Variants in MARCHF8 observed in about 807,000 individuals in gnomAD.
MARCHF8 encodes E3 ubiquitin-protein ligase MARCHF8.
A neutral mutation model predicts 51.6 loss-of-function variants in MARCHF8; 40 were observed. The observed-to-expected ratio is 0.77, with a 90% confidence interval of 0.60 to 1.01. The LOEUF (loss-of-function observed/expected upper bound fraction) is 1.01. Among genes scored for constraint, MARCHF8 ranks in the 50% least tolerant of loss-of-function variants. The pLI, the probability that MARCHF8 is intolerant of heterozygous loss-of-function variation, is 0.00. For synonymous variants in MARCHF8, 263 were observed against 280.3 expected, an observed-to-expected ratio of 0.94 and a Z score of 0.62; for missense variants, 685 against 708.6, an observed-to-expected ratio of 0.97 and a Z score of 0.38.
At chr10:45,563,006 T>A (rs191680021) in intron 1 of MARCHF8, among the ~76,000 whole-genome samples, 10 of 151,150 alleles carry the variant, frequency 6.6e-5, no homozygotes, top group Admixed American at 6.6e-4. Context: ...ATACAGTCTC[T>A]CTCCCTCCCT....
At chr10:45,511,297 G>A (rs557376720) in intron 2 of MARCHF8, among the ~76,000 whole-genome samples, 3 of 152,140 alleles carry the variant, frequency 2.0e-5, no homozygotes, top group South Asian at 2.1e-4. Flanking sequence ...ATAAATACAC[G>A]AAAACCTTGA....
In MARCHF8 at chr10:45,457,591, T is replaced by G. The variant is rs1842642175; in HGVS notation, c.*648A>C. On this transcript the variant is annotated 3_prime_UTR_variant, in exon 8 of 8. Coordinates refer to ENST00000453424, the MANE Select transcript of MARCHF8 (RefSeq NM_001282866.2). ...AGGTAAGGAAGGGAAGATTTCTAAGTGAGACTTTTTTTGAGTGTCAATCCC... is the reference window on the plus strand; with the variant it reads ...AGGTAAGGAAGGGAAGATTTCTAAGGGAGACTTTTTTTGAGTGTCAATCCC... 1 of 152,642 alleles carries G rather than the reference T, an allele frequency of 6.6e-6. No homozygotes were observed. The highest frequency in any genetic ancestry group is 1.5e-5 in the Non-Finnish European group (1 of 68,046). 9.5% of individuals were successfully genotyped at this position (152,642 alleles called of 1,614,324 possible). A position where few individuals can be genotyped will look rare whatever the true frequency, so the allele number is the denominator to read the frequency against.
chr10:45,538,053 C>T (rs1043496139), upstream of MARCHF8, among the ~76,000 whole-genome samples: 1 of 152,004 alleles, frequency 6.6e-6, no homozygotes, highest in African/African-American at 2.4e-5. Context: ...TTTAAGAAGG[C>T]GATAGAAAGA....
At chr10:45,480,559 C>T (rs2042867475) in intron 3 of MARCHF8, among the ~76,000 whole-genome samples, 1 of 152,198 alleles carries the variant, frequency 6.6e-6, no homozygotes, top group Admixed American at 6.5e-5. Context: ...TGCATCCCAG[C>T]CACTCTAACC....
chr10:45,502,825 T>C (rs2043305301), intron 2 of MARCHF8, among the ~76,000 whole-genome samples: 1 of 151,990 alleles, frequency 6.6e-6, no homozygotes, highest in African/African-American at 2.4e-5. Flanking sequence ...CAGAAAACAA[T>C]GTGTATATCA....
chr10:45,499,424 A>C (rs2043236530), intron 2 of MARCHF8, among the ~76,000 whole-genome samples: 1 of 152,118 alleles, frequency 6.6e-6, no homozygotes, highest in African/African-American at 2.4e-5. Context: ...GATGCCCAGA[A>C]GTTTTAAATT....
At chr10:45,507,370 T>C (rs1417230129) in intron 2 of MARCHF8, among the ~76,000 whole-genome samples, 3 of 152,128 alleles carry the variant, frequency 2.0e-5, no homozygotes, top group African/African-American at 7.2e-5. Flanking sequence ...GAAAAGAGGA[T>C]TATTTGGCTC....
intron 1 of MARCHF8, among the ~76,000 whole-genome samples, chr10:45,550,166 A>C (rs2044178687): frequency 6.6e-6 from 1 of 152,216 alleles, no homozygotes; most frequent in Non-Finnish European, 1.5e-5. Context: ...GTGTTTTCAC[A>C]CCTATTATAA....
In MARCHF8 at chr10:45,461,294, C is replaced by G. The variant is rs377760831; in HGVS notation, c.1206G>C (p.Thr402=). The change falls in exon 6 of 8, where the codon ACG becomes ACC. Residue 402 remains threonine (T), a synonymous_variant. Coordinates refer to ENST00000453424, the MANE Select transcript of MARCHF8 (RefSeq NM_001282866.2). ...CLQQWIKSSD[T]RCCELCKYEF... is the part of the protein sequence containing the mutation. Reference sequence around the variant, plus strand: ...CATACTTGCAGAGCTCGCAGCAGCGCGTGTCGGAGCTCTTGATCCACTGCT... The same window carrying G: ...CATACTTGCAGAGCTCGCAGCAGCGGGTGTCGGAGCTCTTGATCCACTGCT... The G allele has an allele frequency of 1.1e-5, 17 of 1,602,708 alleles. No individual in the cohort carries two copies. The African/African-American group carries it at 1.8e-4, about 17-fold the overall frequency.
chr10:45,481,653 C>T (rs530670119), intron 3 of MARCHF8, among the ~76,000 whole-genome samples: 1 of 152,304 alleles, frequency 6.6e-6, no homozygotes, highest in South Asian at 2.1e-4. Flanking sequence ...CTTTCGCCTT[C>T]TGCCATCATT....
intron 1 of MARCHF8, among the ~76,000 whole-genome samples, chr10:45,572,565 A>C (rs1273770969): frequency 6.6e-6 from 1 of 152,120 alleles, no homozygotes; most frequent in East Asian, 1.9e-4. Context: ...AGACCTAAAT[A>C]ATTCTTGTTG....
At chr10:45,556,390 T>G (rs1330714378) in intron 1 of MARCHF8, among the ~76,000 whole-genome samples, 6 of 151,982 alleles carry the variant, frequency 3.9e-5, no homozygotes, top group African/African-American at 1.5e-4. Context: ...TATTTACAGA[T>G]AAAATGAAAA....
At chr10:45,547,225 G>A (rs762724880) in intron 1 of MARCHF8, among the ~76,000 whole-genome samples, 1 of 152,146 alleles carries the variant, frequency 6.6e-6, no homozygotes, top group African/African-American at 2.4e-5. Context: ...TAAAAATACT[G>A]CCTGTCAATA....
chr10:45,531,983 G>A (rs1301251482), intron 2 of MARCHF8, among the ~76,000 whole-genome samples: 2 of 152,106 alleles, frequency 1.3e-5, no homozygotes, highest in Admixed American at 6.5e-5. Flanking sequence ...TTTTCATCCT[G>A]TGCCATTGCT....
intron 2 of MARCHF8, among the ~76,000 whole-genome samples, chr10:45,507,518 GC>G (rs1039675972): frequency 6.6e-6 from 1 of 152,162 alleles, no homozygotes; most frequent in Non-Finnish European, 1.5e-5. Flanking sequence ...GGTCAAGAGA[GC>G]AAGGAGGGAG....
At chr10:45,521,658 T>C (rs917477170) in intron 2 of MARCHF8, among the ~76,000 whole-genome samples, 6 of 152,264 alleles carry the variant, frequency 3.9e-5, no homozygotes, top group Non-Finnish European at 8.8e-5. Context: ...GTGAGATAAC[T>C]TGCCCATTGG....
chr10:45,515,466 T>C (rs2043602586), intron 2 of MARCHF8, among the ~76,000 whole-genome samples: 1 of 152,230 alleles, frequency 6.6e-6, no homozygotes, highest in African/African-American at 2.4e-5. Flanking sequence ...GTTCCCCAAG[T>C]GTTTCTTGCC....
intron 1 of MARCHF8, among the ~76,000 whole-genome samples, chr10:45,544,113 C>T (rs1224509097): frequency 6.6e-6 from 1 of 152,002 alleles, no homozygotes; most frequent in African/African-American, 2.4e-5. Context: ...AGCTAATAAA[C>T]TCATGAAAAG....
At chr10:45,496,768 G>GA (rs1033996066) in intron 2 of MARCHF8, among the ~76,000 whole-genome samples, 21 of 151,164 alleles carry the variant, frequency 1.4e-4, no homozygotes, top group Admixed American at 6.6e-4. Flanking sequence ...GATTCTGTTA[G>GA]AAAAATATAT....
Sources: allele counts gnomAD v4.1 joint callset (sites outside exome capture counted in the v4.1 genomes callset), GRCh38; gene constraint gnomAD v4.1.1; transcripts MANE v1.5; gene names NCBI Gene and HGNC (gene_info 2026-07-23, HGNC 2026-07-21).